The following MSH3 variants were observed in gnomAD, a reference collection of about 807,000 sequenced individuals.
MSH3 encodes the protein DNA mismatch repair protein Msh3.
In MSH3, 106 loss-of-function variants were observed where a neutral mutation model predicts 123.3. The ratio of observed to expected loss-of-function variants is 0.86; its 90% CI spans 0.73 to 1.01. MSH3 has a LOEUF of 1.01. MSH3 is among the 50% of genes least tolerant of loss of function. The probability of loss-of-function intolerance (pLI) is 0.00; values close to 1 mark genes in which losing one functional copy is unlikely to be tolerated. For synonymous variants in MSH3, 515 were observed against 481.4 expected (o/e 1.07, Z -0.91); for missense variants, 1,459 against 1,347.6 (o/e 1.08, Z -1.29).
intron 8 of MSH3, among the ~76,000 whole-genome samples, chr5:80,725,103 A>G (rs6151725): frequency 0.075 from 11,376 of 151,306 alleles, 482 homozygotes; most frequent in Non-Finnish European, 0.092. Flanking sequence ...AGCTTCAGCT[A>G]CTCGGGAGGC....
chr5:80,819,285 G>A (rs1448703290), intron 20 of MSH3, among the ~76,000 whole-genome samples: 4 of 151,534 alleles, frequency 2.6e-5, no homozygotes, highest in Non-Finnish European at 5.9e-5. Context: ...ACTCTGTTGT[G>A]CTAAAAACAT....
intron 2 of MSH3, among the ~76,000 whole-genome samples, chr5:80,664,395 G>C (rs1044788019): frequency 6.6e-6 from 1 of 152,122 alleles, no homozygotes; most frequent in Non-Finnish European, 1.5e-5. Flanking sequence ...AGTCCTCCCA[G>C]CTTCTGCCTG....
intron 2 of MSH3, among the ~76,000 whole-genome samples, chr5:80,659,124 C>T (rs921422636): frequency 6.6e-6 from 1 of 151,862 alleles, no homozygotes; most frequent in African/African-American, 2.4e-5. Context: ...GTCCCAGCTA[C>T]TCAGGAGGCT....
At chr5:80,842,791 A>G in intron 20 of MSH3, among the ~76,000 whole-genome samples, 1 of 152,152 alleles carries the variant, frequency 6.6e-6, no homozygotes. Context: ...TTATCAGCTT[A>G]AGGAGATTTT....
At chr5:80,844,835 G>A (rs1745692660) in intron 20 of MSH3, among the ~76,000 whole-genome samples, 1 of 152,050 alleles carries the variant, frequency 6.6e-6, no homozygotes, top group African/African-American at 2.4e-5. Flanking sequence ...GCACACTGAT[G>A]GGTGTTGACT....
At chr5:80,714,708 A>G (rs929674097) in intron 8 of MSH3, among the ~76,000 whole-genome samples, 7 of 152,172 alleles carry the variant, frequency 4.6e-5, no homozygotes, top group African/African-American at 1.7e-4. Flanking sequence ...CAAAATTTTA[A>G]TTAGAACTGT....
At chr5:80,845,408 T>C (rs1366943546) in intron 20 of MSH3, among the ~76,000 whole-genome samples, 1 of 152,194 alleles carries the variant, frequency 6.6e-6, no homozygotes, top group African/African-American at 2.4e-5. Flanking sequence ...GGAGTATCTT[T>C]GTGGTGTTCT....
chr5:80,722,044 A>C (rs568839145), intron 8 of MSH3, among the ~76,000 whole-genome samples: 153 of 152,328 alleles, frequency 1.0e-3, no homozygotes, highest in African/African-American at 3.5e-3. Flanking sequence ...AAGAAAAAAA[A>C]TATATAAACT....
chr5:80,723,255 T>C (rs932198950), intron 8 of MSH3, among the ~76,000 whole-genome samples: 1 of 152,056 alleles, frequency 6.6e-6, no homozygotes, highest in South Asian at 2.1e-4. Flanking sequence ...CTTGCCACTT[T>C]AGATATAGAT....
At chr5:80,824,765 A>G (rs1481184242) in intron 20 of MSH3, among the ~76,000 whole-genome samples, 1 of 152,196 alleles carries the variant, frequency 6.6e-6, no homozygotes, top group Non-Finnish European at 1.5e-5. Flanking sequence ...TTACTATTGT[A>G]TAACTTGCTT....
At chr5:80,767,327 G>C (rs139161779) in intron 13 of MSH3, among the ~76,000 whole-genome samples, 1 of 152,134 alleles carries the variant, frequency 6.6e-6, no homozygotes, top group African/African-American at 2.4e-5. Flanking sequence ...TTAGTCCTCT[G>C]CTAAGAGTAT....
intron 22 of MSH3, among the ~76,000 whole-genome samples, chr5:80,866,362 CTG>C (rs1746098686): frequency 6.6e-6 from 1 of 152,194 alleles, no homozygotes; most frequent in South Asian, 2.1e-4. Context: ...TGGTCTCAAA[CTG>C]TTGAATTCAA....
At chr5:80,755,043 G>A (rs191128842) in intron 12 of MSH3, among the ~76,000 whole-genome samples, 1 of 152,146 alleles carries the variant, frequency 6.6e-6, no homozygotes, top group African/African-American at 2.4e-5. Flanking sequence ...AGTGACTCTG[G>A]TTTACTCAGC....
At chr5:80,787,532 C>A in intron 17 of MSH3, 33 bp from the exon 18 acceptor site, 2 of 1,403,422 alleles carry the variant, frequency 1.4e-6, no homozygotes, top group Non-Finnish European at 2.0e-6. Flanking sequence ...TATCAGTTTG[C>A]TCACCTTTTT....
At chr5:80,735,849 A>G (rs938905087) in intron 10 of MSH3, among the ~76,000 whole-genome samples, 3 of 152,244 alleles carry the variant, frequency 2.0e-5, no homozygotes, top group Admixed American at 6.5e-5. Flanking sequence ...CAAAATTATT[A>G]TGAGAAAAAA....
chr5:80,694,736 G>C (rs888295427), intron 8 of MSH3, among the ~76,000 whole-genome samples: 6 of 151,580 alleles, frequency 4.0e-5, no homozygotes, highest in South Asian at 2.1e-4. Flanking sequence ...GATATTTTTT[G>C]CCAGGCATGG....
chr5:80,714,359 C>T (rs1038153521), intron 8 of MSH3, among the ~76,000 whole-genome samples: 3 of 151,930 alleles, frequency 2.0e-5, no homozygotes, highest in African/African-American at 7.3e-5. Flanking sequence ...AGGTCTGGAA[C>T]TCCTGACCTC....
chr5:80,692,380 ATAGATAAACATGTATATGTT>A (rs1328141117), intron 8 of MSH3, among the ~76,000 whole-genome samples: 6,797 of 50,518 alleles, frequency 0.13, 447 homozygotes, highest in African/African-American at 0.16. Context: ...ATATGTTTAG[ATAGATAAACATGTATATGTT>A]TAGATAGATA....
At chr5:80,768,743 T>C in intron 14 of MSH3, 92 bp from the exon 15 acceptor site, 1 of 1,151,038 alleles carries the variant, frequency 8.7e-7, no homozygotes, top group Admixed American at 2.0e-5. Context: ...TGACTTCCAG[T>C]GCTTTCCTCT....
Sources: gnomAD v4.1 joint callset for allele counts (sites outside exome capture counted in the v4.1 genomes callset) on GRCh38, gnomAD v4.1.1 for gene constraint, MANE v1.5 for transcripts, NCBI Gene and HGNC (gene_info 2026-07-23, HGNC 2026-07-21) for gene names.